The following AGER variants were observed in gnomAD, a reference collection of about 807,000 sequenced individuals.
AGER encodes the protein advanced glycosylation end-product specific receptor.
Under a neutral mutation model 48.8 loss-of-function variants are expected in AGER, and 46 were observed. That is an observed-to-expected ratio of 0.94 (90% CI 0.74 to 1.20). The LOEUF (loss-of-function observed/expected upper bound fraction) is 1.20, where lower values mean the gene tolerates loss of function less well. AGER is among the 50% of genes most tolerant of loss of function. The probability of loss-of-function intolerance (pLI) is 0.00; values close to 1 mark genes in which losing one functional copy is unlikely to be tolerated. For missense variants in AGER, 489 were observed against 515.0 expected, an observed-to-expected ratio of 0.95 and a Z score of 0.49; for synonymous variants, 170 against 199.9, an observed-to-expected ratio of 0.85 and a Z score of 1.26.
rs1443691912 is a variant in AGER, at chr6:32,182,797, G to C, written c.691+44C>G. 1.9e-6 allele frequency: 3 copies of C among 1,612,598 alleles called. No individual in the cohort carries two copies. Among genetic ancestry groups the C allele is most frequent in the Non-Finnish European group, 2.5e-6 (3 of 1,179,998 alleles). On this transcript the variant is annotated intron_variant, in intron 6 of 10. Coordinates refer to ENST00000375076, the MANE Select transcript of AGER (RefSeq NM_001136.5). The surrounding 1 kb of genome is among the most constrained non-coding windows in gnomAD (Gnocchi z 5.1). ...TCTTTCCCTAAGGGTCAGACTTCCA[G>C]AACGTGCTCACGTGAGCTTGGGGCC...
At position 32,184,201 on chromosome 6, in the gene AGER, C is replaced by T; in HGVS notation, c.22G>A (p.Gly8Arg). 6.2e-7 allele frequency: 1 copy of T among 1,612,798 alleles called. No homozygotes were observed. Among genetic ancestry groups the T allele is most frequent in the South Asian group, 1.1e-5 (1 of 91,072 alleles). MAAGTAVGAWVLVLSLWG... is the reference protein window; with the variant it reads MAAGTAVRAWVLVLSLWG... ...AGACTGAGGACCAGCACCCAGGCTCCAACTGCTGTTCCGGCAGCCATCCTG... is the reference window on the plus strand; with the variant it reads ...AGACTGAGGACCAGCACCCAGGCTCTAACTGCTGTTCCGGCAGCCATCCTG... Residue 8 changes from glycine (G) to arginine (R), a missense_variant, in exon 1 of 11, where the codon GGA (glycine) becomes AGA (arginine). Transcript: ENST00000375076.
chr6:32,181,838 C>T lies in AGER; in HGVS notation c.965-206G>A, dbSNP rs573548447. Among the ~76,000 whole-genome samples, 5 of 152,286 alleles carry T rather than the reference C, an allele frequency of 3.3e-5. No individual in the cohort carries two copies. The highest frequency in any genetic ancestry group is 2.0e-4 in the Admixed American group (3 of 15,298). ...GTTCAAGCAATTCTCCTGCCTCAGC[C>T]TCTCAAGTAGCTGGCCTCCCAGGTA... On this transcript the variant is annotated intron_variant, in intron 8 of 10. Transcript: ENST00000375076. This position sits in a 1 kb window ranked among gnomAD's most constrained non-coding sequence, Gnocchi z 4.1.
rs1404521422 is a variant in AGER at position 32,182,534 on chromosome 6, C to G, written c.822+34G>C. The stretch of plus-strand genomic sequence containing the variant: ...CTCCCTGTTGCTAGTTATGGTTCAC[C>G]CTACCTCCCAGCCCCTCTCTCCAGG... On this transcript the variant is annotated intron_variant, in intron 7 of 10. Transcript: ENST00000375076. The surrounding 1 kb of genome is among the most constrained non-coding windows in gnomAD (Gnocchi z 5.1). The G allele has an allele frequency of 1.2e-6, 2 of 1,608,340 alleles. No homozygotes were observed. Among genetic ancestry groups the G allele is most frequent in the Admixed American group, 3.3e-5 (2 of 59,782 alleles).
Position 32,181,011 on chromosome 6 carries a change from GT to G in AGER, c.*131del. ...TTAATCATCATTGTGGGGGGCTCTGGTTGTAGAAGAAAGCTTGGCAAGGTGG... is the reference window on the plus strand; with the variant it reads ...TTAATCATCATTGTGGGGGGCTCTGGTGTAGAAGAAAGCTTGGCAAGGTGG... On this transcript the variant is annotated 3_prime_UTR_variant, in exon 11 of 11. Coordinates refer to ENST00000375076, the MANE Select transcript of AGER (RefSeq NM_001136.5). The surrounding 1 kb of genome is among the most constrained non-coding windows in gnomAD (Gnocchi z 4.1). 1 of 893,042 alleles carries G rather than the reference GT, an allele frequency of 1.1e-6. No individual in the cohort carries two copies. The highest frequency in any genetic ancestry group is 1.5e-5 in the South Asian group (1 of 66,130). 55.3% of individuals were successfully genotyped at this position (893,042 alleles called of 1,614,324 possible).
At position 32,182,041 on chromosome 6, in the gene AGER, C is replaced by G. The variant is rs1786315542; in HGVS notation, c.964+206G>C. ...AGCCACCGCGCCCAGCCGTCTGTTC[C>G]TTTTTTTAGCTCAGAGGGAAGAAGG... On this transcript the variant is annotated intron_variant, in intron 8 of 10. Coordinates refer to ENST00000375076, the MANE Select transcript of AGER (RefSeq NM_001136.5). The surrounding 1 kb of genome is among the most constrained non-coding windows in gnomAD (Gnocchi z 5.1). 1.2e-6 allele frequency: 1 copy of G among 824,044 alleles called. No individual in the cohort carries two copies. Among genetic ancestry groups the G allele is most frequent in the African/African-American group, 1.7e-5 (1 of 59,310 alleles). 51.0% of individuals were successfully genotyped at this position (824,044 alleles called of 1,614,324 possible).
chr6:32,183,768 G>A lies in AGER; in HGVS notation c.160-18C>T. ...CCTGTGTTCTAGAAGCAGAGAAGCA[G>A]GGCCTAAACAGTGCAAGGCCTTTGG... On this transcript the variant is annotated intron_variant, in intron 2 of 10. Transcript: ENST00000375076. 6.2e-7 allele frequency: 1 copy of A among 1,612,244 alleles called. No homozygotes were observed.
chr6:32,182,577 C>T lies in AGER; in HGVS notation c.813G>A (p.Trp271Ter). The change falls in exon 7 of 11, where the codon TGG becomes TGA. Residue 271 changes from tryptophan to a stop codon, truncating the protein, a stop_gained. Transcript: ENST00000375076. LOFTEE classifies it high-confidence loss of function. This position sits in a 1 kb window ranked among gnomAD's most constrained non-coding sequence, Gnocchi z 5.1. ...VPAQPSPQIH[W>*]MKDGVPLPLP... ...TCTCCAGGTCACTCACATCCTTCAT[C>T]CAGTGGATTTGAGGAGAGGGCTGGG... is the stretch of plus-strand genomic sequence containing the variant. The T allele has an allele frequency of 6.2e-7, 1 of 1,613,080 alleles. No homozygotes were observed. Among genetic ancestry groups the T allele is most frequent in the Non-Finnish European group, 8.5e-7 (1 of 1,180,018 alleles).
In AGER at chr6:32,182,441, C is replaced by G; in HGVS notation, c.823-53G>C. Reference sequence around the variant, plus strand: ...TTTCAAAACCCTTGTCTTTTTGTCTCCATATCTTCAGATACCCTCTCTTCC... The same window carrying G: ...TTTCAAAACCCTTGTCTTTTTGTCTGCATATCTTCAGATACCCTCTCTTCC... On this transcript the variant is annotated intron_variant, in intron 7 of 10. Coordinates refer to ENST00000375076, the MANE Select transcript of AGER (RefSeq NM_001136.5). The surrounding 1 kb of genome is among the most constrained non-coding windows in gnomAD (Gnocchi z 5.1). 3.1e-6 allele frequency: 5 copies of G among 1,590,604 alleles called. No homozygotes were observed. The highest frequency in any genetic ancestry group is 1.1e-5 in the South Asian group (1 of 87,866).
At chr6:32,183,273 C>G in intron 4 of AGER, 51 bp downstream of exon 4, 1 of 1,612,988 alleles carries the variant, frequency 6.2e-7, no homozygotes, top group Non-Finnish European at 8.5e-7. Flanking sequence ...CACACACACT[C>G]GCCTCCTGTT....
At position 32,182,672 on chromosome 6, in the gene AGER, A is replaced by G. The variant is rs769738891; in HGVS notation, c.718T>C (p.Leu240=). 17 of 1,613,036 alleles carry G rather than the reference A, an allele frequency of 1.1e-5. No individual in the cohort carries two copies. Among genetic ancestry groups the G allele is most frequent in the Non-Finnish European group, 1.4e-5 (16 of 1,180,020 alleles). ...WEPVPLEEVQ[L]VVEPEGGAVA... is the part of the protein sequence containing the mutation. ...GCTCCACCTTCTGGCTCCACCACCA[A>G]TTGGACCTCCTCCAGAGGCACAGGC... Residue 240 remains leucine (L), a synonymous_variant, in exon 7 of 11, where the codon TTG becomes CTG. Coordinates refer to ENST00000375076, the MANE Select transcript of AGER (RefSeq NM_001136.5). This position sits in a 1 kb window ranked among gnomAD's most constrained non-coding sequence, Gnocchi z 5.1.
rs750111750 is a variant in AGER at position 32,182,808 on chromosome 6, C to G, written c.691+33G>C. On this transcript the variant is annotated intron_variant, in intron 6 of 10. Transcript: ENST00000375076. The surrounding 1 kb of genome is among the most constrained non-coding windows in gnomAD (Gnocchi z 5.1). ...GGGTCAGACTTCCAGAACGTGCTCACGTGAGCTTGGGGCCCTCCCCACCTA... is the reference window on the plus strand; with the variant it reads ...GGGTCAGACTTCCAGAACGTGCTCAGGTGAGCTTGGGGCCCTCCCCACCTA... 8 of 1,612,528 alleles carry G rather than the reference C, an allele frequency of 5.0e-6. No individual in the cohort carries two copies. Among genetic ancestry groups the G allele is most frequent in the Non-Finnish European group, 6.8e-6 (8 of 1,179,978 alleles).
In AGER at chr6:32,181,205, G is replaced by A. The variant is rs1786127026; in HGVS notation, c.1153C>T (p.Arg385Cys). The part of the protein sequence containing the change: ...APENQEEEEE[R>C]AELNQSEEPE... ...TCCTCCGACTGATTCAGTTCTGCAC[G>A]CTCCTCCTCTTCCTCCTGGTTTTCT... Residue 385 changes from arginine to cysteine, a missense_variant, in exon 11 of 11, where the codon CGT (arginine) becomes TGT (cysteine). Transcript: ENST00000375076. The surrounding 1 kb of genome is among the most constrained non-coding windows in gnomAD (Gnocchi z 4.1). 3.1e-6 allele frequency: 5 copies of A among 1,614,168 alleles called. No individual in the cohort carries two copies. The highest frequency in any genetic ancestry group is 1.1e-5 in the South Asian group (1 of 91,084).
Position 32,183,649 on chromosome 6 carries a change from CG to C in AGER, c.260del (p.Pro87ArgfsTer16). 6.2e-7 allele frequency: 1 copy of C among 1,613,052 alleles called. No homozygotes were observed. Among genetic ancestry groups the C allele is most frequent in the Middle Eastern group, 1.7e-4 (1 of 6,060 alleles). ...TCCCCTCATCCTGGATCCCGACAGCCGGAAGGAAGAGGGAGCCGTTGGGAAG... is the reference window on the plus strand; with the variant it reads ...TCCCCTCATCCTGGATCCCGACAGCCGAAGGAAGAGGGAGCCGTTGGGAAG... ...RVLPNGSLFL[P>X]AVGIQDEGIF... On this transcript the variant is annotated frameshift_variant, in exon 3 of 11. Transcript: ENST00000375076. LOFTEE classifies it high-confidence loss of function.
Position 32,182,138 on chromosome 6 carries a change from A to G in AGER, c.964+109T>C. 1.4e-6 allele frequency: 2 copies of G among 1,481,030 alleles called. No homozygotes were observed. The highest frequency in any genetic ancestry group is 9.3e-7 in the Non-Finnish European group (1 of 1,069,748). The allele number at this position is 1,481,030 out of a possible 1,614,324, so 91.7% of individuals were successfully genotyped here. On this transcript the variant is annotated intron_variant, in intron 8 of 10. Coordinates refer to ENST00000375076, the MANE Select transcript of AGER (RefSeq NM_001136.5). This position sits in a 1 kb window ranked among gnomAD's most constrained non-coding sequence, Gnocchi z 5.1. ...GGCTTGGGTGTGGGTGCATGGAGGG[A>G]GAGGTGGGGTGGCTGTTAGGGATAA...
chr6:32,184,051 G>T, intron 1 of AGER, 64 bp from the exon 2 acceptor site: 1 of 1,610,982 alleles, frequency 6.2e-7, no homozygotes, highest in Non-Finnish European at 8.5e-7. Flanking sequence ...TTTGGACAGG[G>T]TGGGTGAGGG....
intron 1 of AGER, 81 bp downstream of exon 1, chr6:32,184,090 G>C: frequency 6.2e-7 from 1 of 1,606,474 alleles, no homozygotes; most frequent in Non-Finnish European, 8.5e-7. Context: ...TCGGGTTCTG[G>C]GAAAAGTTCT....
rs918942952 is a variant in AGER at position 32,181,984 on chromosome 6, C to T, written c.964+263G>A. The stretch of plus-strand genomic sequence containing the variant: ...CCTACCTCAGGTGATCTGCCCGCCT[C>T]AGCCTCCCAAAGTGTTGGGATTACA... On this transcript the variant is annotated intron_variant, in intron 8 of 10. Transcript: ENST00000375076. The surrounding 1 kb of genome is among the most constrained non-coding windows in gnomAD (Gnocchi z 4.1). The T allele has an allele frequency of 6.1e-6, 4 of 655,682 alleles. No individual in the cohort carries two copies. In the Admixed American group the frequency reaches 6.7e-5, roughly 11 times the overall value. 40.6% of individuals were successfully genotyped at this position (655,682 alleles called of 1,614,324 possible).
Position 32,181,308 on chromosome 6 carries a change from C to T in AGER, c.1118+43G>A. On this transcript the variant is annotated intron_variant, in intron 10 of 10. Transcript: ENST00000375076. This position sits in a 1 kb window ranked among gnomAD's most constrained non-coding sequence, Gnocchi z 4.1. ...CCCCCCGACCCCTCTTCGCTTGCTG[C>T]CTGGAAGCCCTAGGTCTGAGGGGTC... 1 of 1,613,646 alleles carries T rather than the reference C, an allele frequency of 6.2e-7. No individual in the cohort carries two copies. The highest frequency in any genetic ancestry group is 8.5e-7 in the Non-Finnish European group (1 of 1,179,944).
In AGER at chr6:32,181,186, G is replaced by A. The variant is rs147340908; in HGVS notation, c.1172C>T (p.Ser391Leu). Residue 391 changes from serine to leucine, a missense_variant, in exon 11 of 11, where the codon TCG becomes TTG. By Grantham distance (145) the Ser-to-Leu change is moderately radical. Coordinates refer to ENST00000375076, the MANE Select transcript of AGER (RefSeq NM_001136.5). This position sits in a 1 kb window ranked among gnomAD's most constrained non-coding sequence, Gnocchi z 4.1. ...ACTCTCGCCTGCCTCAGGTTCCTCC[G>A]ACTGATTCAGTTCTGCACGCTCCTC... ...EEEERAELNQ[S>L]EEPEAGESST... 84 of 1,614,156 alleles carry A rather than the reference G, an allele frequency of 5.2e-5. No individual in the cohort carries two copies. Among genetic ancestry groups the A allele is most frequent in the African/African-American group, 2.8e-4 (21 of 75,030 alleles).
Sources: gnomAD v4.1 joint callset for allele counts (sites outside exome capture counted in the v4.1 genomes callset) on GRCh38, gnomAD v4.1.1 for gene constraint, Gnocchi (gnomAD v3.1) non-coding constraint, MANE v1.5 for transcripts, NCBI Gene and HGNC (gene_info 2026-07-23, HGNC 2026-07-21) for gene names.